The following GPC5 variants were observed in gnomAD, a reference collection of about 807,000 sequenced individuals.
GPC5 encodes glypican 5.
Under a neutral mutation model 53.9 loss-of-function variants are expected in GPC5, and 47 were observed. The observed-to-expected ratio is 0.87, with a 90% CI of 0.69 to 1.11. The LOEUF (loss-of-function observed/expected upper bound fraction) is 1.11, where lower values mean the gene tolerates loss of function less well. Among genes scored for constraint, GPC5 ranks in the 50% most tolerant of loss-of-function variants. The pLI is 0.00. For missense variants in GPC5, 748 were observed against 713.1 expected (o/e 1.05, Z -0.56); for synonymous variants, 286 against 263.3 (o/e 1.09, Z -0.84).
At chr13:92,272,338 C>A (rs901317616) in intron 7 of GPC5, among the ~76,000 whole-genome samples, 1 of 152,160 alleles carries the variant, frequency 6.6e-6, no homozygotes, top group South Asian at 2.1e-4. Flanking sequence ...CAGCCTACTG[C>A]ATTCCTGAGA....
At chr13:92,602,255 T>C (rs1294851510) in intron 7 of GPC5, among the ~76,000 whole-genome samples, 1 of 139,650 alleles carries the variant, frequency 7.2e-6, no homozygotes, top group Non-Finnish European at 1.5e-5. Context: ...TATATATATA[T>C]ATATATATGC....
intron 7 of GPC5, among the ~76,000 whole-genome samples, chr13:92,668,191 C>T (rs1594402775): frequency 6.6e-6 from 1 of 152,142 alleles, no homozygotes; most frequent in Middle Eastern, 3.4e-3. Context: ...ATTCCTTTTG[C>T]TCTCAGTATT....
chr13:92,602,456 T>G (rs534730183), intron 7 of GPC5, among the ~76,000 whole-genome samples: 5 of 151,864 alleles, frequency 3.3e-5, no homozygotes, highest in Admixed American at 6.6e-5. Flanking sequence ...GTTGTGAACA[T>G]AAACTTGCCA....
At chr13:92,455,130 A>C (rs1367278648) in intron 7 of GPC5, among the ~76,000 whole-genome samples, 1 of 152,174 alleles carries the variant, frequency 6.6e-6, no homozygotes, top group Non-Finnish European at 1.5e-5. Context: ...CAATGTTACC[A>C]CCAGGACTCC....
intron 5 of GPC5, among the ~76,000 whole-genome samples, chr13:91,874,234 A>T (rs2039178391): frequency 6.6e-6 from 1 of 152,122 alleles, no homozygotes; most frequent in Non-Finnish European, 1.5e-5. Context: ...CCTTGTGTGG[A>T]CGATTAATTT....
chr13:92,146,513 A>T (rs1222932673), intron 7 of GPC5, among the ~76,000 whole-genome samples: 1 of 152,028 alleles, frequency 6.6e-6, no homozygotes, highest in Non-Finnish European at 1.5e-5. Context: ...TTATTTTATT[A>T]TTTTTTAATT....
intron 2 of GPC5, among the ~76,000 whole-genome samples, chr13:91,667,910 T>C (rs2035156021): frequency 6.6e-6 from 1 of 152,214 alleles, no homozygotes; most frequent in African/African-American, 2.4e-5. Context: ...TGTTGTGTGC[T>C]GCAGCAAAGA....
intron 7 of GPC5, among the ~76,000 whole-genome samples, chr13:92,461,691 C>T (rs1454974451): frequency 1.3e-5 from 2 of 152,180 alleles, no homozygotes; most frequent in African/African-American, 4.8e-5. Context: ...GAGAGCTTGC[C>T]TCCTTTCTCT....
intron 2 of GPC5, among the ~76,000 whole-genome samples, chr13:91,572,272 T>G (rs2031953894): frequency 6.6e-6 from 1 of 151,220 alleles, no homozygotes; most frequent in Non-Finnish European, 1.5e-5. Flanking sequence ...TATATACATG[T>G]GTATATATGT....
intron 1 of GPC5, 73 bp downstream of exon 1, chr13:91,399,282 TG>T (rs1182240801): frequency 6.6e-7 from 1 of 1,519,204 alleles, no homozygotes. Flanking sequence ...GCTCCCTTGG[TG>T]GCACTCGTGG....
intron 7 of GPC5, among the ~76,000 whole-genome samples, chr13:92,311,553 T>C (rs541850048): frequency 6.6e-6 from 1 of 152,264 alleles, no homozygotes; most frequent in African/African-American, 2.4e-5. Context: ...TGACTCACAG[T>C]GAAGCATGGC....
At chr13:92,247,233 C>T (rs1051211654) in intron 7 of GPC5, among the ~76,000 whole-genome samples, 5 of 152,100 alleles carry the variant, frequency 3.3e-5, no homozygotes, top group African/African-American at 1.2e-4. Flanking sequence ...AAAACACTTG[C>T]ATGTATATAT....
intron 7 of GPC5, among the ~76,000 whole-genome samples, chr13:92,503,778 T>A (rs189783141): frequency 1.3e-5 from 2 of 151,900 alleles, no homozygotes; most frequent in Non-Finnish European, 2.9e-5. Context: ...ATGAAATATA[T>A]TAATTCCTCA....
intron 5 of GPC5, among the ~76,000 whole-genome samples, chr13:91,818,650 A>C (rs1351953546): frequency 1.3e-5 from 2 of 152,214 alleles, no homozygotes; most frequent in Non-Finnish European, 2.9e-5. Context: ...ACATTCTAGC[A>C]CCAGCAAGTA....
chr13:91,528,990 G>C (rs1266174563), intron 2 of GPC5, among the ~76,000 whole-genome samples: 1 of 152,154 alleles, frequency 6.6e-6, no homozygotes, highest in Non-Finnish European at 1.5e-5. Flanking sequence ...ATTACAGTTC[G>C]AGTTGAGATT....
chr13:91,658,419 C>T (rs1276976728), intron 2 of GPC5, among the ~76,000 whole-genome samples: 1 of 151,978 alleles, frequency 6.6e-6, no homozygotes, highest in Non-Finnish European at 1.5e-5. Flanking sequence ...CATAATCATT[C>T]TTTTTCAAAG....
At chr13:92,065,257 G>A (rs1231784884) in intron 6 of GPC5, among the ~76,000 whole-genome samples, 4 of 152,114 alleles carry the variant, frequency 2.6e-5, no homozygotes, top group African/African-American at 7.2e-5. Context: ...GAAAATAAAT[G>A]AGACTACAAC....
intron 7 of GPC5, among the ~76,000 whole-genome samples, chr13:92,303,165 G>A (rs752701748): frequency 2.0e-5 from 3 of 151,996 alleles, no homozygotes; most frequent in Non-Finnish European, 4.4e-5. Context: ...AGAGGGATGG[G>A]ATAGAACAAG....
chr13:91,546,225 A>G (rs1256377777), intron 2 of GPC5, among the ~76,000 whole-genome samples: 2 of 152,150 alleles, frequency 1.3e-5, no homozygotes. Flanking sequence ...CAGCTGCTGC[A>G]TATTTACTTT....
Sources: allele counts gnomAD v4.1 joint callset (sites outside exome capture counted in the v4.1 genomes callset), GRCh38; gene constraint gnomAD v4.1.1; transcripts MANE v1.5; gene names NCBI Gene and HGNC (gene_info 2026-07-23, HGNC 2026-07-21).